Variants in PCDHGA2 observed in about 807,000 individuals in gnomAD.
PCDHGA2 encodes protocadherin gamma subfamily A, 2.
Under a neutral mutation model 59.2 loss-of-function variants are expected in PCDHGA2, and 40 were observed. The observed-to-expected ratio is 0.68, with a 90% confidence interval of 0.52 to 0.88. The LOEUF (loss-of-function observed/expected upper bound fraction) is 0.88. Among genes scored for constraint, PCDHGA2 ranks in the 40% least tolerant of loss-of-function variants. The pLI is 0.00. For missense variants in PCDHGA2, 1,226 were observed against 1,204.0 expected (o/e 1.02, Z -0.27); for synonymous variants, 560 against 526.0 (o/e 1.06, Z -0.89).
chr5:141,441,671 C>T (rs1027440120), intron 1 of PCDHGA2: 1 of 287,648 alleles, frequency 3.5e-6, no homozygotes, highest in African/African-American at 2.3e-5. Flanking sequence ...GCGCACAGTG[C>T]GCCTTCGACC....
intron 1 of PCDHGA2, chr5:141,344,844 G>A (rs1426133781): frequency 5.6e-6 from 9 of 1,613,818 alleles, no homozygotes; most frequent in South Asian, 4.4e-5. Flanking sequence ...TGACCCTGAC[G>A]AGGGATTCAA....
intron 1 of PCDHGA2, among the ~76,000 whole-genome samples, chr5:141,455,594 G>A (rs1263100982): frequency 6.6e-6 from 1 of 152,112 alleles, no homozygotes; most frequent in Non-Finnish European, 1.5e-5. Context: ...ATATGCAAAC[G>A]TAGGGCGCCA....
In PCDHGA2 at chr5:141,432,039, G is replaced by A; in HGVS notation, c.2425-62768G>A. 1 of 1,614,176 alleles carries A rather than the reference G, an allele frequency of 6.2e-7. No individual in the cohort carries two copies. The highest frequency in any genetic ancestry group is 8.5e-7 in the Non-Finnish European group (1 of 1,180,028). ...AACATCACAGTGACCGCCACTGACC[G>A]GGGAACCCCGCCCCTATCCACGGAA... On this transcript the variant is annotated intron_variant, in intron 1 of 3. Coordinates refer to ENST00000394576, the MANE Select transcript of PCDHGA2 (RefSeq NM_018915.4). This position sits in a 1 kb window ranked among gnomAD's most constrained non-coding sequence, Gnocchi z 6.0.
intron 3 of PCDHGA2, among the ~76,000 whole-genome samples, chr5:141,507,673 G>A (rs184362608): frequency 6.6e-5 from 10 of 152,368 alleles, no homozygotes; most frequent in Admixed American, 2.6e-4. Context: ...AAATCCAGAT[G>A]TTAAAAACAG....
At chr5:141,384,648 G>A in intron 1 of PCDHGA2, 1 of 1,614,238 alleles carries the variant, frequency 6.2e-7, no homozygotes, top group Middle Eastern at 1.6e-4. Flanking sequence ...GCTCCGCAGA[G>A]CCCGGCTACC....
At chr5:141,362,541 A>G (rs770673084) in intron 1 of PCDHGA2, 3 of 1,613,770 alleles carry the variant, frequency 1.9e-6, no homozygotes, top group Admixed American at 3.3e-5. Context: ...CTTTTGCCTC[A>G]GATACTATTT....
intron 1 of PCDHGA2, among the ~76,000 whole-genome samples, chr5:141,466,704 T>C (rs1175063183): frequency 6.6e-6 from 1 of 152,202 alleles, no homozygotes; most frequent in Admixed American, 6.5e-5. Context: ...AAATTTGATG[T>C]CTGTTCTTGT....
In PCDHGA2 at chr5:141,374,145, G is replaced by A. The variant is rs749263007; in HGVS notation, c.2424+32750G>A. 36 of 1,610,792 alleles carry A rather than the reference G, an allele frequency of 2.2e-5. No homozygotes were observed. In the Admixed American group the frequency reaches 2.8e-4, roughly 13 times the overall value. ...CAGGTCCTGCTCCTCACGCTCCTGG[G>A]GACGCTGTGGGGGGCCGCGGCAGCG... On this transcript the variant is annotated intron_variant, in intron 1 of 3. Transcript: ENST00000394576.
intron 1 of PCDHGA2, chr5:141,426,765 G>A (rs1343961009): frequency 1.8e-5 from 8 of 456,530 alleles, no homozygotes; most frequent in Non-Finnish European, 3.5e-5. Flanking sequence ...AGATGCAGAT[G>A]TAGGGCCTCA....
chr5:141,392,089 A>G (rs1278879227), intron 1 of PCDHGA2: 2 of 152,236 alleles, frequency 1.3e-5, no homozygotes, highest in Non-Finnish European at 2.9e-5. Context: ...ATTTAGAAGA[A>G]TAATTTAAAA....
In PCDHGA2 at chr5:141,356,293, GT is replaced by G. The variant is rs372920279; in HGVS notation, c.2424+14899del. ...CCAGGAATCTTCTTCCCCGGGTACAGTAATTGCACTTTTCAACGTGCATGAC... is the reference window on the plus strand; with the variant it reads ...CCAGGAATCTTCTTCCCCGGGTACAGAATTGCACTTTTCAACGTGCATGAC... On this transcript the variant is annotated intron_variant, in intron 1 of 3. Transcript: ENST00000394576. The G allele has an allele frequency of 3.3e-4, 508 of 1,555,440 alleles. 4 individuals carry two copies. The East Asian group carries it at 0.011, about 35-fold the overall frequency.
At chr5:141,460,842 C>T (rs1339558359) in intron 1 of PCDHGA2, among the ~76,000 whole-genome samples, 2 of 150,412 alleles carry the variant, frequency 1.3e-5, no homozygotes, top group African/African-American at 2.4e-5. Flanking sequence ...GTAATGGCCT[C>T]CAGTTCGATC....
Position 141,423,542 on chromosome 5 carries a change from C to T in PCDHGA2, c.2425-71265C>T, listed in dbSNP as rs755766737. 4.3e-6 allele frequency: 7 copies of T among 1,613,616 alleles called. No individual in the cohort carries two copies. The African/African-American group carries it at 6.7e-5, about 15-fold the overall frequency. The stretch of plus-strand genomic sequence containing the variant: ...TCGCAGAAGAGTCACCTGATTTTCC[C>T]CCAGCCCAACTATGGGGACACGCTC... On this transcript the variant is annotated intron_variant, in intron 1 of 3. Transcript: ENST00000394576.
chr5:141,491,712 G>A lies in PCDHGA2; in HGVS notation c.2425-3095G>A, dbSNP rs932849130. On this transcript the variant is annotated intron_variant, in intron 1 of 3. Coordinates refer to ENST00000394576, the MANE Select transcript of PCDHGA2 (RefSeq NM_018915.4). The surrounding 1 kb of genome is among the most constrained non-coding windows in gnomAD (Gnocchi z 6.9). Reference sequence around the variant, plus strand: ...GGGAGCGGAGCCAGGTGAGGGGCTCGGCGCCGCCCCGGGCGACCCCTGGGG... The same window carrying A: ...GGGAGCGGAGCCAGGTGAGGGGCTCAGCGCCGCCCCGGGCGACCCCTGGGG... The A allele has an allele frequency of 1.2e-6, 2 of 1,609,290 alleles. No homozygotes were observed. Among genetic ancestry groups the A allele is most frequent in the East Asian group, 2.2e-5 (1 of 44,760 alleles).
In PCDHGA2 at chr5:141,460,999, G is replaced by GTA. The variant is rs1350972422; in HGVS notation, c.2425-33797_2425-33796dup. Reference sequence around the variant, plus strand: ...TGTGTGTGTGTATATATATATATGTGTATATATATATACCACATTTTCTTT... The same window carrying GTA: ...TGTGTGTGTGTATATATATATATGTGTATATATATATATACCACATTTTCTTT... On this transcript the variant is annotated intron_variant, in intron 1 of 3. Coordinates refer to ENST00000394576, the MANE Select transcript of PCDHGA2 (RefSeq NM_018915.4). Among the ~76,000 whole-genome samples, 54 of 149,566 alleles carry GTA rather than the reference G, an allele frequency of 3.6e-4. No homozygotes were observed. The South Asian group carries it at 4.2e-3, about 12-fold the overall frequency.
Position 141,360,413 on chromosome 5 carries a change from A to G in PCDHGA2, c.2424+19018A>G, listed in dbSNP as rs1295695057. 2 of 1,613,982 alleles carry G rather than the reference A, an allele frequency of 1.2e-6. No individual in the cohort carries two copies. The highest frequency in any genetic ancestry group is 3.3e-5 in the Admixed American group (2 of 60,024). On this transcript the variant is annotated intron_variant, in intron 1 of 3. Coordinates refer to ENST00000394576, the MANE Select transcript of PCDHGA2 (RefSeq NM_018915.4). ...CTTGTGAGTGACAGAATAGACCGAG[A>G]ACAGATATGCGGGAAGCAGCCTCTG...
Position 141,393,456 on chromosome 5 carries a change from T to A in PCDHGA2, c.2424+52061T>A. ...TGCTCACCACCTGGTCCTCACGGCC[T>A]CGGATGGCGGCAAGCCGCCTCGCTC... On this transcript the variant is annotated intron_variant, in intron 1 of 3. Coordinates refer to ENST00000394576, the MANE Select transcript of PCDHGA2 (RefSeq NM_018915.4). 1 of 1,614,026 alleles carries A rather than the reference T, an allele frequency of 6.2e-7. No individual in the cohort carries two copies. Among genetic ancestry groups the A allele is most frequent in the African/African-American group, 1.3e-5 (1 of 75,058 alleles).
intron 2 of PCDHGA2, among the ~76,000 whole-genome samples, chr5:141,503,295 T>C (rs567706089): frequency 6.6e-6 from 1 of 152,070 alleles, no homozygotes; most frequent in Non-Finnish European, 1.5e-5. Context: ...TACATAGAAA[T>C]TGCTCAAGAA....
In PCDHGA2 at chr5:141,432,091, C is replaced by A. The variant is rs370491149; in HGVS notation, c.2425-62716C>A. ...CTCATATCTCGCTGAACGTGGCAGA[C>A]ACCAACGACAACCCGCCGGTCTTCC... On this transcript the variant is annotated intron_variant, in intron 1 of 3. Coordinates refer to ENST00000394576, the MANE Select transcript of PCDHGA2 (RefSeq NM_018915.4). This position sits in a 1 kb window ranked among gnomAD's most constrained non-coding sequence, Gnocchi z 6.0. 6.2e-7 allele frequency: 1 copy of A among 1,614,056 alleles called. No individual in the cohort carries two copies. Among genetic ancestry groups the A allele is most frequent in the African/African-American group, 1.3e-5 (1 of 74,908 alleles).
Sources: allele counts gnomAD v4.1 joint callset (sites outside exome capture counted in the v4.1 genomes callset), GRCh38; gene constraint gnomAD v4.1.1; non-coding constraint Gnocchi (gnomAD v3.1); transcripts MANE v1.5; gene names NCBI Gene and HGNC (gene_info 2026-07-23, HGNC 2026-07-21).